Variants in ATL1 observed in about 807,000 individuals in gnomAD.
ATL1 encodes atlastin-1.
Under a neutral mutation model 75.5 loss-of-function variants are expected in ATL1, and 31 were observed. That is an observed-to-expected ratio of 0.41 (90% CI 0.31 to 0.55). The LOEUF is 0.55. Among genes scored for constraint, ATL1 ranks in the 20% least tolerant of loss-of-function variants. ATL1 has a pLI of 0.27. For missense variants in ATL1, 405 were observed against 662.6 expected (o/e 0.61, Z 4.27); for synonymous variants, 226 against 233.3 (o/e 0.97, Z 0.28).
upstream of ATL1, chr14:50,560,134 G>C: frequency 9.3e-7 from 1 of 1,070,466 alleles, no homozygotes; most frequent in South Asian, 1.4e-5. Flanking sequence ...CAGCGCCACA[G>C]CAACATCCTC....
intron 1 of ATL1, among the ~76,000 whole-genome samples, chr14:50,578,211 A>T (rs996612959): frequency 6.6e-5 from 10 of 152,204 alleles, no homozygotes; most frequent in Non-Finnish European, 1.0e-4. Flanking sequence ...AGTATTTGAT[A>T]CTGAGTGATA....
At chr14:50,557,057 A>G (rs2038773593), upstream of ATL1, among the ~76,000 whole-genome samples, 1 of 152,162 alleles carries the variant, frequency 6.6e-6, no homozygotes, top group Non-Finnish European at 1.5e-5. Flanking sequence ...TTTTTGAGGA[A>G]CTGCTAGACT....
At chr14:50,630,226 AAACT>A (rs1410765566) in intron 13 of ATL1, among the ~76,000 whole-genome samples, 1 of 152,194 alleles carries the variant, frequency 6.6e-6, no homozygotes, top group Non-Finnish European at 1.5e-5. Flanking sequence ...ACACACACAA[AAACT>A]AAGAATTGAA....
intron 8 of ATL1, among the ~76,000 whole-genome samples, chr14:50,618,206 A>T (rs956968533): frequency 6.6e-6 from 1 of 152,230 alleles, no homozygotes; most frequent in Non-Finnish European, 1.5e-5. Context: ...TTCTAGGTGT[A>T]TAGTAATATT....
At position 50,583,863 on chromosome 14, in the gene ATL1, T is replaced by C. The variant is rs529782916; in HGVS notation, c.35-3968T>C. On this transcript the variant is annotated intron_variant, in intron 1 of 13. Coordinates refer to ENST00000358385, the MANE Select transcript of ATL1 (RefSeq NM_015915.5). The stretch of plus-strand genomic sequence containing the variant: ...TGATGAATGGATCAGAACTGAGAGC[T>C]CAGAAATGAGTCAGTGTGTATGTGG... Among the ~76,000 whole-genome samples the C allele has an allele frequency of 2.0e-5, 3 of 152,240 alleles. No individual in the cohort carries two copies. In the East Asian group the frequency reaches 5.8e-4, roughly 29 times the overall value.
At chr14:50,539,794 G>A (rs2038538325) in intron 1 of ATL1, among the ~76,000 whole-genome samples, 1 of 152,206 alleles carries the variant, frequency 6.6e-6, no homozygotes, top group African/African-American at 2.4e-5. Context: ...TGAGCATCTG[G>A]AAGTCCTTCT....
chr14:50,625,901 CAA>C (rs201406132), intron 11 of ATL1, among the ~76,000 whole-genome samples: 1 of 131,442 alleles, frequency 7.6e-6, no homozygotes. Context: ...AGACCCGTCT[CAA>C]AAAAAAAAAA....
chr14:50,591,816 T>C, intron 4 of ATL1, 177 bp downstream of exon 4: 1 of 571,098 alleles, frequency 1.8e-6, no homozygotes, highest in Non-Finnish European at 3.1e-6. Context: ...TTTTTGTTAC[T>C]GTAGTTTAAT....
chr14:50,545,196 A>AAAGTAGCACAGGT (rs1457703933), intron 1 of ATL1, among the ~76,000 whole-genome samples: 2 of 152,204 alleles, frequency 1.3e-5, no homozygotes, highest in African/African-American at 4.8e-5. Flanking sequence ...TTAGAGATGG[A>AAAGTAGCACAGGT]AAGTAGCACA....
chr14:50,535,176 T>C (rs1313545561), intron 1 of ATL1, among the ~76,000 whole-genome samples: 1 of 152,266 alleles, frequency 6.6e-6, no homozygotes, highest in Non-Finnish European at 1.5e-5. Flanking sequence ...TGCTTTGTAA[T>C]GTACTTCCCT....
At chr14:50,603,100 T>A (rs995508790) in intron 6 of ATL1, among the ~76,000 whole-genome samples, 1 of 152,114 alleles carries the variant, frequency 6.6e-6, no homozygotes, top group African/African-American at 2.4e-5. Flanking sequence ...TGGCCTGTAA[T>A]AGGAAAGTAG....
intron 11 of ATL1, among the ~76,000 whole-genome samples, chr14:50,623,843 G>T (rs910826394): frequency 1.9e-4 from 29 of 152,234 alleles, no homozygotes; most frequent in Middle Eastern, 6.8e-3. Flanking sequence ...CTGAGGTCAG[G>T]AGTTCGAGAC....
chr14:50,629,299 T>C lies in ATL1; in HGVS notation c.1552-696T>C, dbSNP rs374514006. On this transcript the variant is annotated intron_variant, in intron 12 of 13. Transcript: ENST00000358385. ...TCTTCCAGCATTAAGAACATACTTA[T>C]GGCCAGGTGCGGTGGCTCACGCCTG... Among the ~76,000 whole-genome samples, 48 of 152,230 alleles carry C rather than the reference T, an allele frequency of 3.2e-4. No individual in the cohort carries two copies. The South Asian group carries it at 9.5e-3, about 30-fold the overall frequency.
At chr14:50,632,155 T>C (rs1360303039) in intron 13 of ATL1, 74 bp from the exon 14 acceptor site, 1 of 1,015,296 alleles carries the variant, frequency 9.8e-7, no homozygotes, top group Admixed American at 2.3e-5. Flanking sequence ...TACAGTACGA[T>C]AAACTAAAAA....
intron 6 of ATL1, among the ~76,000 whole-genome samples, chr14:50,604,481 TAC>T (rs1200876604): frequency 6.6e-6 from 1 of 152,146 alleles, no homozygotes; most frequent in African/African-American, 2.4e-5. Flanking sequence ...GGGTAGTATA[TAC>T]ATATTTGGGA....
Position 50,587,883 on chromosome 14 carries a change from GA to G in ATL1, c.92del (p.Lys31ArgfsTer18). The G allele has an allele frequency of 6.2e-7, 1 of 1,614,050 alleles. No individual in the cohort carries two copies. The highest frequency in any genetic ancestry group is 8.5e-7 in the Non-Finnish European group (1 of 1,180,004). ...EWSSEEEEPV[K>X]KAGPVQVLIV... Reference sequence around the variant, plus strand: ...GGAGCTCAGAAGAGGAGGAGCCAGTGAAAAAGGCAGGACCAGTCCAAGTCCT... The same window carrying G: ...GGAGCTCAGAAGAGGAGGAGCCAGTGAAAAGGCAGGACCAGTCCAAGTCCT... On this transcript the variant is annotated frameshift_variant, in exon 2 of 14. Coordinates refer to ENST00000358385, the MANE Select transcript of ATL1 (RefSeq NM_015915.5). LOFTEE classifies it high-confidence loss of function.
intron 1 of ATL1, among the ~76,000 whole-genome samples, chr14:50,535,987 T>A (rs1313721387): frequency 6.6e-6 from 1 of 152,258 alleles, no homozygotes; most frequent in Non-Finnish European, 1.5e-5. Context: ...CTCCCTCTCT[T>A]TGCCTGCTGC....
rs755452453 is a variant in ATL1, at chr14:50,548,927, CAAT to C, written c.-139-11197_-139-11195del. On this transcript the variant is annotated intron_variant, in intron 1 of 13. Transcript: ENST00000441560. The stretch of plus-strand genomic sequence containing the variant: ...CATCACCACCAGAAAGCAGACCACA[CAAT>C]AAAAACTGCCTACCCCATAAAAGGT... Among the ~76,000 whole-genome samples, 11 of 152,258 alleles carry C rather than the reference CAAT, an allele frequency of 7.2e-5. No individual in the cohort carries two copies. In the East Asian group the frequency reaches 7.7e-4, roughly 11 times the overall value.
At chr14:50,614,678 G>C (rs1050326313) in intron 8 of ATL1, among the ~76,000 whole-genome samples, 167 bp downstream of exon 8, 1 of 152,194 alleles carries the variant, frequency 6.6e-6, no homozygotes, top group African/African-American at 2.4e-5. Flanking sequence ...CCTCCTTGGT[G>C]AACTGTGGGA....
Sources: allele counts gnomAD v4.1 joint callset (sites outside exome capture counted in the v4.1 genomes callset), GRCh38; gene constraint gnomAD v4.1.1; transcripts MANE v1.5; gene names NCBI Gene and HGNC (gene_info 2026-07-23, HGNC 2026-07-21).